The following WDPCP variants were observed in gnomAD, a reference collection of about 807,000 sequenced individuals.
WDPCP encodes WD repeat-containing and planar cell polarity effector protein fritz homolog.
WDPCP carries 71 observed loss-of-function variants against 93.1 expected under a neutral mutation model. The observed-to-expected ratio is 0.76, with a 90% CI of 0.63 to 0.93. WDPCP has a LOEUF of 0.93. Among genes scored for constraint, WDPCP ranks in the 40% least tolerant of loss-of-function variants. The pLI is 0.00. For synonymous variants in WDPCP, 315 were observed against 315.0 expected (o/e 1.00, Z 0.00); for missense variants, 844 against 887.4 (o/e 0.95, Z 0.62).
chr2:63,313,868 A>ATATGTGTGTG (rs1559311911), intron 12 of WDPCP, among the ~76,000 whole-genome samples: 1 of 7,260 alleles, frequency 1.4e-4, no homozygotes, highest in African/African-American at 5.0e-4. Context: ...ATATATATAT[A>ATATGTGTGTG]TATATATATA....
chr2:63,186,624 G>A (rs143785826), intron 14 of WDPCP, among the ~76,000 whole-genome samples: 1 of 152,346 alleles, frequency 6.6e-6, no homozygotes, highest in Non-Finnish European at 1.5e-5. Context: ...GTTTCTCAGA[G>A]GAAAGGTAGA....
intron 2 of WDPCP, chr2:63,717,204 T>C: frequency 2.1e-6 from 1 of 483,898 alleles, no homozygotes; most frequent in Non-Finnish European, 4.0e-6. Context: ...AGCATGCCAG[T>C]GCTTCCTCCA....
chr2:63,385,999 G>A (rs1692701528), intron 10 of WDPCP, among the ~76,000 whole-genome samples: 1 of 151,900 alleles, frequency 6.6e-6, no homozygotes, highest in Non-Finnish European at 1.5e-5. Context: ...CTGACAATTG[G>A]TGCTGGAACA....
intron 3 of WDPCP, among the ~76,000 whole-genome samples, chr2:63,626,368 C>G (rs888476947): frequency 6.6e-6 from 1 of 152,102 alleles, no homozygotes; most frequent in Non-Finnish European, 1.5e-5. Flanking sequence ...AGCTTCTGCA[C>G]AGCAAAATAA....
At chr2:63,654,630 G>A (rs1406234731) in intron 2 of WDPCP, among the ~76,000 whole-genome samples, 1 of 152,160 alleles carries the variant, frequency 6.6e-6, no homozygotes, top group East Asian at 1.9e-4. Context: ...GTGTCTGTGG[G>A]AGATTGGTTC....
chr2:63,160,612 T>C (rs1454254242), intron 15 of WDPCP, among the ~76,000 whole-genome samples: 2 of 152,158 alleles, frequency 1.3e-5, no homozygotes, highest in Admixed American at 1.3e-4. Flanking sequence ...TCTAGGGAAG[T>C]TATCAAGCAT....
At chr2:63,269,821 C>T (rs556243382) in intron 13 of WDPCP, among the ~76,000 whole-genome samples, 18 of 152,254 alleles carry the variant, frequency 1.2e-4, no homozygotes, top group Admixed American at 1.1e-3. Flanking sequence ...TATTCGTATT[C>T]TACAGCTTTA....
intron 1 of WDPCP, among the ~76,000 whole-genome samples, chr2:63,818,069 C>T (rs1181936835): frequency 6.6e-6 from 1 of 152,110 alleles, no homozygotes; most frequent in Non-Finnish European, 1.5e-5. Context: ...GTGAGATATG[C>T]TAGGCACACA....
chr2:63,524,407 A>C (rs1284518034), intron 1 of WDPCP, among the ~76,000 whole-genome samples: 1 of 152,244 alleles, frequency 6.6e-6, no homozygotes, highest in African/African-American at 2.4e-5. Context: ...AAACAGACAG[A>C]GAGACCAATG....
chr2:63,643,439 C>T (rs773287237), intron 3 of WDPCP: 3 of 320,576 alleles, frequency 9.4e-6, no homozygotes, highest in Non-Finnish European at 1.2e-5. Flanking sequence ...ACATGAACCA[C>T]ATGAAAAGAT....
rs563754762 is a variant in WDPCP, at chr2:63,718,296, G to T, written n.309-67458C>A. Among the ~76,000 whole-genome samples the T allele has an allele frequency of 1.4e-4, 21 of 152,146 alleles. No individual in the cohort carries two copies. In the South Asian group the frequency reaches 1.9e-3, roughly 14 times the overall value. ...CCAGTAGTGAGATTGCTGGATCAAGGGGTAGTTCTATCTTTAGTTATTTGA... is the reference window on the plus strand; with the variant it reads ...CCAGTAGTGAGATTGCTGGATCAAGTGGTAGTTCTATCTTTAGTTATTTGA... On this transcript the variant is annotated intron_variant and non_coding_transcript_variant, in intron 2 of 4. Transcript: ENST00000467687.
intron 2 of WDPCP, among the ~76,000 whole-genome samples, chr2:63,690,755 A>AAAAC (rs1175694849): frequency 6.6e-6 from 1 of 152,158 alleles, no homozygotes; most frequent in Non-Finnish European, 1.5e-5. Flanking sequence ...AAAACAAAAC[A>AAAAC]AAACAAACAA....
chr2:63,575,399 GTATATATACAGTATATACAC>G (rs1707893009), intron 1 of WDPCP, among the ~76,000 whole-genome samples: 5 of 21,384 alleles, frequency 2.3e-4, no homozygotes, highest in East Asian at 1.4e-3. Context: ...GGTATATACA[GTATATATACAGTATATACAC>G]TGTATACAGT....
At chr2:63,490,941 G>A (rs1053548510) in intron 2 of WDPCP, among the ~76,000 whole-genome samples, 2 of 152,116 alleles carry the variant, frequency 1.3e-5, no homozygotes, top group African/African-American at 2.4e-5. Context: ...AGTTATATGA[G>A]AATAAGGGAA....
chr2:63,804,143 G>A (rs1459540085), intron 2 of WDPCP, among the ~76,000 whole-genome samples: 1 of 152,104 alleles, frequency 6.6e-6, no homozygotes, highest in Non-Finnish European at 1.5e-5. Flanking sequence ...ATCTAGAGCA[G>A]GGGTGGCATC....
intron 3 of WDPCP, among the ~76,000 whole-genome samples, chr2:63,620,526 G>A (rs1457961286): frequency 6.6e-6 from 1 of 152,228 alleles, no homozygotes; most frequent in East Asian, 1.9e-4. Context: ...GCCCCCGTCA[G>A]GGGCTTACAG....
chr2:63,606,165 T>A, intron 3 of WDPCP: 1 of 814,600 alleles, frequency 1.2e-6, no homozygotes, highest in Non-Finnish European at 2.1e-6. Flanking sequence ...CAAGATTGCT[T>A]GAGCCCAGGA....
chr2:63,804,377 G>A (rs571518099), intron 2 of WDPCP, among the ~76,000 whole-genome samples: 11 of 150,964 alleles, frequency 7.3e-5, no homozygotes, highest in African/African-American at 1.2e-4. Flanking sequence ...TCAGCCTCCC[G>A]AGTAGCTGGG....
chr2:63,234,194 A>G (rs1679176589), intron 14 of WDPCP, among the ~76,000 whole-genome samples: 1 of 152,184 alleles, frequency 6.6e-6, no homozygotes, highest in Admixed American at 6.5e-5. Context: ...ACCAATCAGT[A>G]TGTTAACTTT....
Sources: gnomAD v4.1 joint callset for allele counts (sites outside exome capture counted in the v4.1 genomes callset) on GRCh38, gnomAD v4.1.1 for gene constraint, MANE v1.5 for transcripts, NCBI Gene and HGNC (gene_info 2026-07-23, HGNC 2026-07-21) for gene names.